Variants in IFT80 observed in about 807,000 individuals in gnomAD.
IFT80 encodes intraflagellar transport protein 80 homolog.
A neutral mutation model predicts 107.9 loss-of-function variants in IFT80; 79 were observed. The ratio of observed to expected loss-of-function variants is 0.73; its 90% CI spans 0.61 to 0.88. IFT80 has a LOEUF of 0.88. Among genes scored for constraint, IFT80 ranks in the 40% least tolerant of loss-of-function variants. The pLI, the probability that IFT80 is intolerant of heterozygous loss-of-function variation, is 0.00. For synonymous variants in IFT80, 299 were observed against 300.9 expected, an observed-to-expected ratio of 0.99 and a Z score of 0.07; for missense variants, 797 against 914.2, an observed-to-expected ratio of 0.87 and a Z score of 1.65.
chr3:160,355,739 T>C (rs988283465), intron 8 of IFT80, among the ~76,000 whole-genome samples: 2 of 152,184 alleles, frequency 1.3e-5, no homozygotes, highest in Non-Finnish European at 2.9e-5. Flanking sequence ...TGGGCATAAA[T>C]TTTAATACTT....
chr3:160,310,309 A>G (rs1049608752), intron 9 of IFT80, among the ~76,000 whole-genome samples: 6 of 152,240 alleles, frequency 3.9e-5, no homozygotes, highest in Non-Finnish European at 8.8e-5. Context: ...AGCATTAAAG[A>G]GAATAACCAC....
chr3:160,352,733 T>C (rs1284323461), intron 8 of IFT80, among the ~76,000 whole-genome samples: 2 of 152,170 alleles, frequency 1.3e-5, no homozygotes, highest in Non-Finnish European at 2.9e-5. Flanking sequence ...GGGCATCACA[T>C]CATGAAAGGG....
At chr3:160,330,657 T>C (rs1332470090) in intron 8 of IFT80, among the ~76,000 whole-genome samples, 1 of 151,862 alleles carries the variant, frequency 6.6e-6, no homozygotes, top group Non-Finnish European at 1.5e-5. Context: ...GTCAAAAAAT[T>C]TGCATTTCTA....
chr3:160,352,814 T>C (rs1720808823), intron 8 of IFT80, among the ~76,000 whole-genome samples: 2 of 152,182 alleles, frequency 1.3e-5, no homozygotes, highest in African/African-American at 2.4e-5. Context: ...CTCTTTCTAC[T>C]TATACAGCAA....
rs762163693 is a variant in IFT80 at position 160,282,619 on chromosome 3, AT to A, written c.1381-7del. ...GCAATTTCCAAGATTTCATTCTAAA[AT>A]TTTTTTTAAATGTAAATACTGGGTT... is the stretch of plus-strand genomic sequence containing the variant. On this transcript the variant is annotated splice_region_variant and splice_polypyrimidine_tract_variant and intron_variant, in intron 13 of 19. Coordinates refer to ENST00000326448, the MANE Select transcript of IFT80 (RefSeq NM_020800.3). 25 of 1,543,712 alleles carry A rather than the reference AT, an allele frequency of 1.6e-5. No homozygotes were observed. The highest frequency in any genetic ancestry group is 2.1e-5 in the Non-Finnish European group (23 of 1,120,144).
chr3:160,327,771 C>G (rs768156924), intron 8 of IFT80, among the ~76,000 whole-genome samples: 5 of 151,936 alleles, frequency 3.3e-5, no homozygotes, highest in Non-Finnish European at 5.9e-5. Flanking sequence ...TCAGGACATA[C>G]GCATAGGTAC....
Position 160,279,268 on chromosome 3 carries a change from T to C in IFT80, c.1761A>G (p.Pro587=), listed in dbSNP as rs147387605. Residue 587 remains proline (P), a synonymous_variant, in exon 16 of 20, where the codon CCA becomes CCG. Coordinates refer to ENST00000326448, the MANE Select transcript of IFT80 (RefSeq NM_020800.3). ...DGSLVHISIT[P]YPAILHEYVS... ...CATATTCATGGAGAATAGCAGGATA[T>C]GGTGTTATGCTGATGTGAACCAGGG... The C allele has an allele frequency of 3.8e-5, 61 of 1,613,094 alleles. No individual in the cohort carries two copies. The East Asian group carries it at 1.3e-3, about 34-fold the overall frequency.
intron 12 of IFT80, among the ~76,000 whole-genome samples, chr3:160,300,036 C>T (rs747618768): frequency 7.2e-5 from 11 of 152,104 alleles, no homozygotes; most frequent in Non-Finnish European, 1.5e-4. Flanking sequence ...AGTCACATGG[C>T]CTTCTGGCAG....
chr3:160,305,692 A>T (rs1365092814), intron 10 of IFT80, among the ~76,000 whole-genome samples: 1 of 152,176 alleles, frequency 6.6e-6, no homozygotes, highest in African/African-American at 2.4e-5. Context: ...TGAAAATTTA[A>T]TGTAGAATGC....
At chr3:160,396,470 A>T (rs1489407867) in intron 1 of IFT80, among the ~76,000 whole-genome samples, 1 of 152,182 alleles carries the variant, frequency 6.6e-6, no homozygotes, top group Non-Finnish European at 1.5e-5. Context: ...CAAACAAAAC[A>T]CATATTGTTA....
chr3:160,370,146 C>T (rs1238751897), intron 5 of IFT80, among the ~76,000 whole-genome samples: 1 of 152,058 alleles, frequency 6.6e-6, no homozygotes, highest in African/African-American at 2.4e-5. Context: ...CCTAAAAACG[C>T]TGTTTTTGTA....
intron 12 of IFT80, among the ~76,000 whole-genome samples, chr3:160,292,328 G>A (rs1372946547): frequency 1.3e-5 from 2 of 152,142 alleles, no homozygotes; most frequent in Non-Finnish European, 2.9e-5. Context: ...CCAGAGTAAT[G>A]GTTTGGTAAA....
chr3:160,391,468 C>G (rs1479982358), intron 1 of IFT80: 1 of 152,174 alleles, frequency 6.6e-6, no homozygotes, highest in Non-Finnish European at 1.5e-5. Context: ...GTCAGGAGAT[C>G]GAGACCATCC....
Position 160,381,740 on chromosome 3 carries a change from A to G in IFT80, c.38-16T>C, listed in dbSNP as rs754856780. The stretch of plus-strand genomic sequence containing the variant: ...AATTCTTGATGTGTCACCATGTTAA[A>G]GAGACATAAAACATACAAAAGTCTT... On this transcript the variant is annotated splice_polypyrimidine_tract_variant and intron_variant, in intron 2 of 19. Transcript: ENST00000326448. The G allele has an allele frequency of 2.5e-6, 4 of 1,593,764 alleles. No homozygotes were observed. The East Asian group carries it at 6.7e-5, about 27-fold the overall frequency.
intron 13 of IFT80, among the ~76,000 whole-genome samples, chr3:160,284,304 TATTA>T (rs1714925667): frequency 2.0e-5 from 3 of 152,228 alleles, no homozygotes; most frequent in South Asian, 4.1e-4. Flanking sequence ...TATTTAAGCT[TATTA>T]ATTGACTCTC....
intron 1 of IFT80, among the ~76,000 whole-genome samples, chr3:160,391,196 C>T (rs1297397831): frequency 1.3e-5 from 2 of 152,190 alleles, no homozygotes; most frequent in African/African-American, 4.8e-5. Flanking sequence ...ATAACACCAC[C>T]AGCTTGCCCT....
chr3:160,258,654 A>AG lies in IFT80; in HGVS notation c.2224-20dup, dbSNP rs397969922. 20 of 1,604,990 alleles carry AG rather than the reference A, an allele frequency of 1.2e-5. No homozygotes were observed. Among genetic ancestry groups the AG allele is most frequent in the Non-Finnish European group, 1.7e-5 (20 of 1,176,708 alleles). Reference sequence around the variant, plus strand: ...TTTGGAGCTGCAATAGAAAAAAAAAAGAAGAAATATGCTTAGATAGTGTAA... The same window carrying AG: ...TTTGGAGCTGCAATAGAAAAAAAAAAGGAAGAAATATGCTTAGATAGTGTAA... On this transcript the variant is annotated intron_variant, in intron 19 of 19. Transcript: ENST00000326448.
chr3:160,297,133 T>C (rs968135196), intron 12 of IFT80, among the ~76,000 whole-genome samples: 2 of 152,174 alleles, frequency 1.3e-5, no homozygotes, highest in African/African-American at 4.8e-5. Flanking sequence ...AGATATTCTA[T>C]TGAAGAAGCC....
Position 160,366,077 on chromosome 3 carries a change from A to G in IFT80, c.515T>C (p.Ile172Thr). ...TTTAGCATTTGGTTGAAGAGGTTTA[A>G]TGATTAGCTGCTTGCCTGCTGTATA... ...VLYTAGKQLI[I>T]KPLQPNAKVL... The change falls in exon 6 of 20, where the codon ATT (isoleucine) becomes ACT (threonine). Residue 172 changes from isoleucine to threonine, a missense_variant. Transcript: ENST00000326448. The G allele has an allele frequency of 6.2e-7, 1 of 1,612,854 alleles. No homozygotes were observed. The highest frequency in any genetic ancestry group is 1.1e-5 in the South Asian group (1 of 91,058).
Sources: allele counts gnomAD v4.1 joint callset (sites outside exome capture counted in the v4.1 genomes callset), GRCh38; gene constraint gnomAD v4.1.1; transcripts MANE v1.5; gene names NCBI Gene and HGNC (gene_info 2026-07-23, HGNC 2026-07-21).